Variants in ZFPM2 observed in about 807,000 individuals in gnomAD.
ZFPM2 encodes zinc finger protein ZFPM2.
Under a neutral mutation model 98.6 loss-of-function variants are expected in ZFPM2, and 20 were observed. The observed-to-expected ratio is 0.20, with a 90% CI of 0.14 to 0.29. The LOEUF is 0.29. Among genes scored for constraint, ZFPM2 ranks in the 10% least tolerant of loss-of-function variants. ZFPM2 has a pLI of 1.00. For missense variants in ZFPM2, 1,310 were observed against 1,388.6 expected (o/e 0.94, Z 0.90); for synonymous variants, 518 against 502.7 (o/e 1.03, Z -0.41).
chr8:105,323,639 A>G (rs1812068099), intron 1 of ZFPM2, among the ~76,000 whole-genome samples: 1 of 151,902 alleles, frequency 6.6e-6, no homozygotes, highest in Non-Finnish European at 1.5e-5. Context: ...AAATCTAGGA[A>G]TAATTATTTA....
chr8:105,669,536 A>ATGTGTG (rs71305176), intron 5 of ZFPM2, among the ~76,000 whole-genome samples: 398 of 139,142 alleles, frequency 2.9e-3, no homozygotes, highest in African/African-American at 7.6e-3. Flanking sequence ...GAAAGTGTGC[A>ATGTGTG]TGTGTGTGTG....
At chr8:105,481,002 GGCCTCCCAAAGT>G (rs1813105459) in intron 3 of ZFPM2, among the ~76,000 whole-genome samples, 1 of 152,016 alleles carries the variant, frequency 6.6e-6, no homozygotes, top group African/African-American at 2.4e-5. Flanking sequence ...CACCCACCTT[GGCCTCCCAAAGT>G]GCTGGGATTA....
At chr8:105,522,468 T>G (rs1254989056) in intron 3 of ZFPM2, among the ~76,000 whole-genome samples, 1 of 152,120 alleles carries the variant, frequency 6.6e-6, no homozygotes, top group Non-Finnish European at 1.5e-5. Flanking sequence ...TCTGTTAAGA[T>G]GAGCATTGAA....
At chr8:105,690,672 A>G (rs1045616286) in intron 5 of ZFPM2, among the ~76,000 whole-genome samples, 6 of 152,034 alleles carry the variant, frequency 3.9e-5, no homozygotes, top group African/African-American at 1.4e-4. Flanking sequence ...ACAGAAACTA[A>G]TATCTCTCAT....
intron 3 of ZFPM2, among the ~76,000 whole-genome samples, chr8:105,545,407 A>G (rs1051425493): frequency 1.3e-5 from 2 of 152,090 alleles, no homozygotes; most frequent in Admixed American, 6.6e-5. Context: ...CTTAATCTTT[A>G]TCAACTCTTC....
intron 1 of ZFPM2, among the ~76,000 whole-genome samples, chr8:105,351,947 A>G (rs1812654876): frequency 1.3e-5 from 2 of 152,200 alleles, no homozygotes; most frequent in Non-Finnish European, 2.9e-5. Flanking sequence ...ATCCCCTCAG[A>G]GCTCGTTAGA....
chr8:105,372,544 G>A (rs13272834), intron 1 of ZFPM2, among the ~76,000 whole-genome samples: 17,222 of 152,100 alleles, frequency 0.11, 1,227 homozygotes, highest in Non-Finnish European at 0.16. Flanking sequence ...AAGTAATAAT[G>A]TTTACTGAGC....
chr8:105,703,872 A>G (rs1382672168), intron 5 of ZFPM2, among the ~76,000 whole-genome samples: 16 of 151,984 alleles, frequency 1.1e-4, no homozygotes, highest in Non-Finnish European at 2.2e-4. Flanking sequence ...ATCACTATCC[A>G]CCCGCCCTTC....
chr8:105,595,556 G>A (rs1815951541), intron 4 of ZFPM2, among the ~76,000 whole-genome samples: 1 of 152,062 alleles, frequency 6.6e-6, no homozygotes, highest in African/African-American at 2.4e-5. Flanking sequence ...CCAATTCCAG[G>A]CAGAAGTAAT....
intron 1 of ZFPM2, among the ~76,000 whole-genome samples, chr8:105,334,163 G>GTGTGGTA (rs1812285227): frequency 7.3e-6 from 1 of 136,740 alleles, no homozygotes; most frequent in African/African-American, 3.4e-5. Context: ...TGTGTGTGGT[G>GTGTGGTA]GGGGGAGGGG....
At chr8:105,797,928 T>TA (rs1813881649) in intron 6 of ZFPM2, among the ~76,000 whole-genome samples, 1 of 152,216 alleles carries the variant, frequency 6.6e-6, no homozygotes, top group Non-Finnish European at 1.5e-5. Flanking sequence ...AAGGAGACTG[T>TA]ATGCTTCCTA....
chr8:105,549,269 A>G (rs1354260358), intron 3 of ZFPM2, among the ~76,000 whole-genome samples: 2 of 152,204 alleles, frequency 1.3e-5, no homozygotes, highest in African/African-American at 4.8e-5. Flanking sequence ...ATATATATGG[A>G]ACATATTTAT....
intron 5 of ZFPM2, among the ~76,000 whole-genome samples, chr8:105,694,076 T>G (rs967495197): frequency 6.8e-6 from 1 of 146,800 alleles, no homozygotes; most frequent in Admixed American, 6.9e-5. Flanking sequence ...AAGCTCTGCC[T>G]CTCGGGTTCA....
chr8:105,746,871 T>C (rs1196141832), intron 5 of ZFPM2, among the ~76,000 whole-genome samples: 2 of 151,994 alleles, frequency 1.3e-5, no homozygotes, highest in African/African-American at 4.8e-5. Context: ...CAATTTGCCC[T>C]GCCATTCCTG....
intron 5 of ZFPM2, among the ~76,000 whole-genome samples, chr8:105,731,503 G>T (rs1811937718): frequency 6.6e-6 from 1 of 151,470 alleles, no homozygotes; most frequent in African/African-American, 2.4e-5. Flanking sequence ...AGAAGTTAGG[G>T]CTCATATGTC....
chr8:105,770,646 A>C (rs1304560273), intron 5 of ZFPM2, among the ~76,000 whole-genome samples: 1 of 152,122 alleles, frequency 6.6e-6, no homozygotes. Flanking sequence ...TTATTTAGAT[A>C]GTAAGTAAAC....
At chr8:105,640,066 T>C (rs1816921959) in intron 5 of ZFPM2, among the ~76,000 whole-genome samples, 1 of 152,074 alleles carries the variant, frequency 6.6e-6, no homozygotes, top group Non-Finnish European at 1.5e-5. Context: ...GTACATTTTC[T>C]TGCTTACAAT....
intron 1 of ZFPM2, among the ~76,000 whole-genome samples, chr8:105,366,275 A>G (rs1401031442): frequency 6.6e-6 from 1 of 152,148 alleles, no homozygotes; most frequent in East Asian, 1.9e-4. Context: ...TGGACTTTTC[A>G]TCTGTACTAG....
At chr8:105,732,471 G>T (rs1425247919) in intron 5 of ZFPM2, among the ~76,000 whole-genome samples, 2 of 151,776 alleles carry the variant, frequency 1.3e-5, no homozygotes, top group Non-Finnish European at 2.9e-5. Context: ...GTTGGATTGT[G>T]TGTGAGCTGA....
Sources: gnomAD v4.1 joint callset for allele counts (sites outside exome capture counted in the v4.1 genomes callset) on GRCh38, gnomAD v4.1.1 for gene constraint, MANE v1.5 for transcripts, NCBI Gene and HGNC (gene_info 2026-07-23, HGNC 2026-07-21) for gene names.